MACROD2: variants seen among roughly 807,000 people sequenced by gnomAD.
MACROD2 encodes the protein ADP-ribose glycohydrolase MACROD2.
Under a neutral mutation model 70.4 loss-of-function variants are expected in MACROD2, and 36 were observed. That is an observed-to-expected ratio of 0.51 (90% CI 0.39 to 0.68). MACROD2 has a LOEUF of 0.68. Among genes scored for constraint, MACROD2 ranks in the 30% least tolerant of loss-of-function variants. The probability of loss-of-function intolerance (pLI) is 0.00; values close to 1 mark genes in which losing one functional copy is unlikely to be tolerated. For missense variants in MACROD2, 496 were observed against 538.4 expected (o/e 0.92, Z 0.78); for synonymous variants, 172 against 178.8 (o/e 0.96, Z 0.30).
chr20:15,287,351 G>A (rs760457780), intron 6 of MACROD2, among the ~76,000 whole-genome samples: 4 of 152,138 alleles, frequency 2.6e-5, no homozygotes, highest in African/African-American at 7.2e-5. Context: ...GTTTTTCAGC[G>A]TTGTACTGCC....
intron 6 of MACROD2, among the ~76,000 whole-genome samples, chr20:15,236,274 C>G (rs1432907433): frequency 6.6e-6 from 1 of 152,102 alleles, no homozygotes; most frequent in East Asian, 1.9e-4. Flanking sequence ...CTGGGAGTGA[C>G]AAGTGACAGG....
intron 14 of MACROD2, 101 bp from the exon 15 acceptor site, chr20:15,986,965 G>A: frequency 8.4e-7 from 1 of 1,193,884 alleles, no homozygotes; most frequent in Non-Finnish European, 1.2e-6. Flanking sequence ...AAACTTGAAG[G>A]GGGAAAAAAG....
chr20:14,889,137 G>A (rs903141853), intron 5 of MACROD2, among the ~76,000 whole-genome samples: 1 of 152,016 alleles, frequency 6.6e-6, no homozygotes, highest in East Asian at 1.9e-4. Context: ...TATAACTAAG[G>A]CTAAAAGCAT....
chr20:15,559,841 T>C (rs1299792812), intron 8 of MACROD2, among the ~76,000 whole-genome samples: 1 of 152,224 alleles, frequency 6.6e-6, no homozygotes, highest in Non-Finnish European at 1.5e-5. Flanking sequence ...ATGGAGTCAA[T>C]GGATAGAAAG....
chr20:14,606,108 A>G (rs1248508281), intron 4 of MACROD2, among the ~76,000 whole-genome samples: 1 of 152,268 alleles, frequency 6.6e-6, no homozygotes, highest in African/African-American at 2.4e-5. Context: ...TAAGCATGGC[A>G]TGGAATAATA....
At chr20:15,082,450 C>T (rs1218217594) in intron 5 of MACROD2, among the ~76,000 whole-genome samples, 3 of 150,148 alleles carry the variant, frequency 2.0e-5, no homozygotes, top group Admixed American at 6.6e-5. Flanking sequence ...TTCTTAGTCT[C>T]GTATTCTTGA....
chr20:14,202,784 C>T (rs1350857508), intron 3 of MACROD2, among the ~76,000 whole-genome samples: 1 of 152,160 alleles, frequency 6.6e-6, no homozygotes, highest in Non-Finnish European at 1.5e-5. Context: ...GTTAGAACTT[C>T]CTTTAAACAA....
At chr20:15,461,199 C>A (rs1270310603) in intron 7 of MACROD2, among the ~76,000 whole-genome samples, 1 of 150,998 alleles carries the variant, frequency 6.6e-6, no homozygotes, top group African/African-American at 2.4e-5. Context: ...GGTAAGATTT[C>A]ATGTTAAAAG....
intron 15 of MACROD2, among the ~76,000 whole-genome samples, chr20:16,040,034 T>C (rs1484502796): frequency 6.6e-6 from 1 of 151,994 alleles, no homozygotes; most frequent in African/African-American, 2.4e-5. Flanking sequence ...GATGCAAAAC[T>C]TGTTTGATAT....
chr20:15,490,219 T>C (rs1477837324), intron 7 of MACROD2, among the ~76,000 whole-genome samples: 4 of 139,726 alleles, frequency 2.9e-5, no homozygotes, highest in Admixed American at 7.3e-5. Flanking sequence ...CTTCCTTCCT[T>C]CCTCCCTTCC....
intron 3 of MACROD2, among the ~76,000 whole-genome samples, chr20:14,192,016 G>T (rs2081393101): frequency 6.6e-6 from 1 of 152,084 alleles, no homozygotes; most frequent in African/African-American, 2.4e-5. Flanking sequence ...AGTAAATATT[G>T]ATTAAGCTAT....
chr20:15,920,469 T>C (rs988850040), intron 10 of MACROD2, among the ~76,000 whole-genome samples: 6 of 152,246 alleles, frequency 3.9e-5, no homozygotes, highest in East Asian at 1.9e-4. Flanking sequence ...GAAAATCTTA[T>C]ACAAAATTTC....
intron 12 of MACROD2, among the ~76,000 whole-genome samples, chr20:15,958,969 T>C (rs1327104591): frequency 2.0e-5 from 3 of 152,168 alleles, no homozygotes; most frequent in African/African-American, 4.8e-5. Flanking sequence ...GAGGAATAAA[T>C]GTTGGTTAAG....
chr20:14,705,021 A>C (rs1287012736), intron 5 of MACROD2, among the ~76,000 whole-genome samples: 1 of 151,994 alleles, frequency 6.6e-6, no homozygotes, highest in Non-Finnish European at 1.5e-5. Context: ...ACATTCAGAT[A>C]GTAAAATGAT....
chr20:14,230,631 T>TGTGTGTATA lies in MACROD2; in HGVS notation c.271+144903_271+144904insGTGTGTATA, dbSNP rs1569217269. ...ACTTCTTCCAAACTCTCATTCATGT[T>TGTGTGTATA]TATATATATATATATATATATATAA... is the stretch of plus-strand genomic sequence containing the variant. On this transcript the variant is annotated intron_variant, in intron 3 of 17. Coordinates refer to ENST00000684519, the MANE Select transcript of MACROD2 (RefSeq NM_001351661.2). Among the ~76,000 whole-genome samples, 131 of 94,256 alleles carry TGTGTGTATA rather than the reference T, an allele frequency of 1.4e-3. 2 individuals carry two copies. Among genetic ancestry groups the TGTGTGTATA allele is most frequent in the Non-Finnish European group, 2.2e-3 (119 of 53,248 alleles). 61.8% of individuals were successfully genotyped at this position (94,256 alleles called of 152,430 possible). A position where few individuals can be genotyped will look rare whatever the true frequency, so the allele number is the denominator to read the frequency against.
At chr20:14,964,240 G>A (rs7268754) in intron 5 of MACROD2, among the ~76,000 whole-genome samples, 2,419 of 152,098 alleles carry the variant, frequency 0.016, 63 homozygotes, top group African/African-American at 0.054. Flanking sequence ...CAACCTCTTC[G>A]ATTTCCTTCT....
chr20:14,223,130 G>A (rs73264830), intron 3 of MACROD2: 25,994 of 152,208 alleles, frequency 0.17, 3,119 homozygotes, highest in African/African-American at 0.33. Flanking sequence ...GCTGTAGTGT[G>A]CTATCCCTTT....
At chr20:15,236,039 G>A (rs565765249) in intron 6 of MACROD2, among the ~76,000 whole-genome samples, 1 of 152,284 alleles carries the variant, frequency 6.6e-6, no homozygotes, top group South Asian at 2.1e-4. Flanking sequence ...TAAGTAACAA[G>A]AACAAAGGCA....
chr20:14,208,708 CTGTT>C (rs2081545826), intron 3 of MACROD2, among the ~76,000 whole-genome samples: 1 of 151,930 alleles, frequency 6.6e-6, no homozygotes, highest in Admixed American at 6.6e-5. Flanking sequence ...ATAAAGTTCC[CTGTT>C]TGTGCTGATT....
Sources: allele counts gnomAD v4.1 joint callset (sites outside exome capture counted in the v4.1 genomes callset), GRCh38; gene constraint gnomAD v4.1.1; transcripts MANE v1.5; gene names NCBI Gene and HGNC (gene_info 2026-07-23, HGNC 2026-07-21).